The following SCAMP2 variants were observed in gnomAD, a reference collection of about 807,000 sequenced individuals.
SCAMP2 encodes secretory carrier-associated membrane protein 2.
A neutral mutation model predicts 44.1 loss-of-function variants in SCAMP2; 25 were observed. The observed-to-expected ratio is 0.57, with a 90% confidence interval of 0.41 to 0.79. The LOEUF is 0.79. SCAMP2 is among the 30% of genes least tolerant of loss of function. The pLI, the probability that SCAMP2 is intolerant of heterozygous loss-of-function variation, is 0.00. For synonymous variants in SCAMP2, 156 were observed against 166.0 expected (o/e 0.94, Z 0.46); for missense variants, 355 against 411.0 (o/e 0.86, Z 1.18).
Position 74,844,786 on chromosome 15 carries a change from G to C in SCAMP2, c.*297C>G. Reference sequence around the variant, plus strand: ...TGATCCCAACTGTGTGGGGGTGTCTGTGTGTGCACAGGACGAAGAGAACTT... The same window carrying C: ...TGATCCCAACTGTGTGGGGGTGTCTCTGTGTGCACAGGACGAAGAGAACTT... On this transcript the variant is annotated 3_prime_UTR_variant, in exon 9 of 9. Transcript: ENST00000268099. The C allele has an allele frequency of 3.1e-6, 1 of 318,200 alleles. No individual in the cohort carries two copies. Among genetic ancestry groups the C allele is most frequent in the South Asian group, 4.0e-5 (1 of 25,228 alleles). 19.7% of individuals were successfully genotyped at this position (318,200 alleles called of 1,614,324 possible).
chr15:74,852,485 T>G, intron 3 of SCAMP2: 1 of 282,442 alleles, frequency 3.5e-6, no homozygotes. Context: ...CTCTTCCCCA[T>G]ACTGGGTCAA....
chr15:74,856,651 T>A (rs1403841512), intron 1 of SCAMP2, among the ~76,000 whole-genome samples: 1 of 150,324 alleles, frequency 6.7e-6, no homozygotes, highest in African/African-American at 2.5e-5. Flanking sequence ...TGGAGTACAG[T>A]GGTGCAATCA....
rs2064367004 is a variant in SCAMP2, at chr15:74,844,206, G to GGGC, written c.*876_*877insGCC. ...GCAGCCGTCCCTCGGTTCGGGGAGGGGGGGGGGTAGTCACAGCAAACAGGG... is the reference window on the plus strand; with the variant it reads ...GCAGCCGTCCCTCGGTTCGGGGAGGGGGCGGGGGGGTAGTCACAGCAAACAGGG... On this transcript the variant is annotated 3_prime_UTR_variant, in exon 9 of 9. Coordinates refer to ENST00000268099, the MANE Select transcript of SCAMP2 (RefSeq NM_005697.5). 6.6e-6 allele frequency: 1 copy of GGGC among 151,012 alleles called. No homozygotes were observed. The highest frequency in any genetic ancestry group is 2.1e-4 in the South Asian group (1 of 4,662). The allele number at this position is 151,012 out of a possible 1,614,324, so 9.4% of individuals were successfully genotyped here.
chr15:74,845,298 G>A (rs745361131), intron 8 of SCAMP2, 81 bp from the exon 9 acceptor site: 104 of 1,589,116 alleles, frequency 6.5e-5, no homozygotes, highest in Non-Finnish European at 8.0e-5. Context: ...ACTCCCAAAG[G>A]GGTCACCAGA....
At chr15:74,854,442 C>G in intron 2 of SCAMP2, 139 bp downstream of exon 2, 1 of 785,482 alleles carries the variant, frequency 1.3e-6, no homozygotes, top group Non-Finnish European at 2.2e-6. Flanking sequence ...CCCTGCCTCC[C>G]GGGTTCATGT....
chr15:74,858,485 C>T (rs945542382), intron 1 of SCAMP2, among the ~76,000 whole-genome samples: 5 of 152,132 alleles, frequency 3.3e-5, no homozygotes, highest in African/African-American at 9.7e-5. Flanking sequence ...TACAGCTCCT[C>T]ATTTAACCCT....
chr15:74,852,002 C>T (rs1343055058), intron 4 of SCAMP2, 67 bp downstream of exon 4: 17 of 1,131,488 alleles, frequency 1.5e-5, no homozygotes, highest in African/African-American at 3.2e-5. Flanking sequence ...GGAGGCCCTC[C>T]GCACAGGTTT....
At position 74,853,429 on chromosome 15, in the gene SCAMP2, C is replaced by A. The variant is rs180968918; in HGVS notation, c.225+592G>T. ...ACTTTCTCCTCCTAGGAGCATCTGCCTCTCTGAGAGCTCGCTCACTGCCAG... is the reference window on the plus strand; with the variant it reads ...ACTTTCTCCTCCTAGGAGCATCTGCATCTCTGAGAGCTCGCTCACTGCCAG... On this transcript the variant is annotated intron_variant, in intron 3 of 8. Transcript: ENST00000268099. 38 of 456,366 alleles carry A rather than the reference C, an allele frequency of 8.3e-5. No individual in the cohort carries two copies. In the Admixed American group the frequency reaches 8.9e-4, roughly 11 times the overall value. 28.3% of individuals were successfully genotyped at this position (456,366 alleles called of 1,614,324 possible). A position where few individuals can be genotyped will look rare whatever the true frequency, so the allele number is the denominator to read the frequency against.
chr15:74,861,112 T>C (rs1003462675), intron 1 of SCAMP2, among the ~76,000 whole-genome samples: 5 of 151,458 alleles, frequency 3.3e-5, no homozygotes, highest in Non-Finnish European at 7.4e-5. Flanking sequence ...GAGGCAGAGG[T>C]TGCAGTGAGC....
rs200893940 is a variant in SCAMP2, at chr15:74,854,109, G to A, written c.137C>T (p.Ala46Val). 278 of 1,613,924 alleles carry A rather than the reference G, an allele frequency of 1.7e-4. 2 individuals are homozygous for A. Among genetic ancestry groups the A allele is most frequent in the Middle Eastern group, 1.7e-3 (10 of 6,060 alleles). Reference protein sequence around the residue: ...EFNPFSETNAATTVPVTQLPG... With the variant: ...EFNPFSETNAVTTVPVTQLPG... ...GAGTTGGGTGACAGGAACTGTTGTC[G>A]CTGCATTTGTCTACATGGAACAAAT... Residue 46 changes from alanine (A) to valine (V), a missense_variant, in exon 3 of 9, where the codon GCG becomes GTG. Ala to Val is a moderately conservative substitution (Grantham distance 64). Coordinates refer to ENST00000268099, the MANE Select transcript of SCAMP2 (RefSeq NM_005697.5).
In SCAMP2 at chr15:74,851,479, T is replaced by C. The variant is rs761864845; in HGVS notation, c.346A>G (p.Arg116Gly). 11 of 1,613,784 alleles carry C rather than the reference T, an allele frequency of 6.8e-6. No individual in the cohort carries two copies. The highest frequency in any genetic ancestry group is 9.3e-6 in the Non-Finnish European group (11 of 1,179,782). The stretch of plus-strand genomic sequence containing the variant: ...GGCAGAGGGGGCCAGTTGTTCTGTC[T>C]CACTGGGTAGGGCAAAAAGAGTGAC... ...LQNTVANLHVRQNNWPPLPSW... is the reference protein window; with the variant it reads ...LQNTVANLHVGQNNWPPLPSW... The change falls in exon 5 of 9, where the codon AGA becomes GGA. Residue 116 changes from arginine (R) to glycine (G), a missense_variant and splice_region_variant. Arg to Gly is a moderately radical substitution (Grantham distance 125). Transcript: ENST00000268099.
chr15:74,859,047 A>G (rs1453844341), intron 1 of SCAMP2, among the ~76,000 whole-genome samples: 2 of 151,694 alleles, frequency 1.3e-5, no homozygotes, highest in Non-Finnish European at 2.9e-5. Flanking sequence ...TGACCTTGTG[A>G]TCCGCCCACC....
intron 7 of SCAMP2, among the ~76,000 whole-genome samples, chr15:74,848,135 A>G (rs1275756067): frequency 1.3e-5 from 2 of 150,996 alleles, no homozygotes; most frequent in Non-Finnish European, 1.5e-5. Context: ...TGGTGCAATC[A>G]TGGCTCACTG....
Position 74,845,074 on chromosome 15 carries a change from A to G in SCAMP2, c.*9T>C, listed in dbSNP as rs543149042. 3.1e-6 allele frequency: 5 copies of G among 1,611,018 alleles called. No individual in the cohort carries two copies. In the Admixed American group the frequency reaches 8.4e-5, roughly 27 times the overall value. On this transcript the variant is annotated 3_prime_UTR_variant, in exon 9 of 9. Coordinates refer to ENST00000268099, the MANE Select transcript of SCAMP2 (RefSeq NM_005697.5). The stretch of plus-strand genomic sequence containing the variant: ...AGAGAAAGGCTGAGGGGGAGAGAAG[A>G]GAGGAGGACTAATTCCCCTGGAAGG...
Position 74,848,621 on chromosome 15 carries a change from C to T in SCAMP2, c.713G>A (p.Gly238Asp), listed in dbSNP as rs867796051. ...QIGIYIIQLV[G>D]IPGLGDSGWI... ...TCACCTGTCCCCCAGGCCAGGGATG[C>T]CAACCAACTGGATGATGTAGATCCC... The change falls in exon 7 of 9, where the codon GGC becomes GAC. Residue 238 changes from glycine (G) to aspartate (D), a missense_variant. Coordinates refer to ENST00000268099, the MANE Select transcript of SCAMP2 (RefSeq NM_005697.5). The T allele has an allele frequency of 6.2e-7, 1 of 1,611,396 alleles. No homozygotes were observed.
intron 1 of SCAMP2, among the ~76,000 whole-genome samples, chr15:74,856,426 C>T (rs2064469561): frequency 6.6e-6 from 1 of 151,536 alleles, no homozygotes; most frequent in Admixed American, 6.6e-5. Flanking sequence ...AGGCGCCTGC[C>T]ACCACACCTA....
Position 74,850,537 on chromosome 15 carries a change from G to A in SCAMP2, c.609C>T (p.Tyr203=), listed in dbSNP as rs775954127. 2 of 1,614,058 alleles carry A rather than the reference G, an allele frequency of 1.2e-6. No individual in the cohort carries two copies. The highest frequency in any genetic ancestry group is 3.3e-5 in the Admixed American group (2 of 60,030). Residue 203 remains tyrosine, a synonymous_variant, in exon 6 of 9, where the codon TAC becomes TAT. Coordinates refer to ENST00000268099, the MANE Select transcript of SCAMP2 (RefSeq NM_005697.5). ...ACCTAAAGGCCTTATAGATGGGTCGGTACCAACAAAGGAAGGCACAGGGAG... is the reference window on the plus strand; with the variant it reads ...ACCTAAAGGCCTTATAGATGGGTCGATACCAACAAAGGAAGGCACAGGGAG... ...IFTPCAFLCW[Y]RPIYKAFRSD...
At chr15:74,861,540 G>A (rs1365077801) in intron 1 of SCAMP2, among the ~76,000 whole-genome samples, 1 of 152,144 alleles carries the variant, frequency 6.6e-6, no homozygotes, top group Admixed American at 6.5e-5. Context: ...GTTTTGGTAC[G>A]CATCCCCTTG....
At chr15:74,870,056 G>A (rs2064565788) in intron 1 of SCAMP2, among the ~76,000 whole-genome samples, 1 of 152,150 alleles carries the variant, frequency 6.6e-6, no homozygotes, top group East Asian at 1.9e-4. Context: ...TGTGCCAAGA[G>A]GAAAAGCCCA....
Sources: allele counts gnomAD v4.1 joint callset (sites outside exome capture counted in the v4.1 genomes callset), GRCh38; gene constraint gnomAD v4.1.1; transcripts MANE v1.5; gene names NCBI Gene and HGNC (gene_info 2026-07-23, HGNC 2026-07-21).